The following RGS22 variants were observed in gnomAD, a reference collection of about 807,000 sequenced individuals.
RGS22 encodes regulator of G protein signaling 22, also known as regulator of G-protein signaling 22.
In RGS22, 148 loss-of-function variants were observed where a neutral mutation model predicts 172.9. That is an observed-to-expected ratio of 0.86 (90% CI 0.75 to 0.98). The LOEUF (loss-of-function observed/expected upper bound fraction) is 0.98. RGS22 is among the 50% of genes least tolerant of loss of function. The probability of loss-of-function intolerance (pLI) is 0.00; values close to 1 mark genes in which losing one functional copy is unlikely to be tolerated. For synonymous variants in RGS22, 458 were observed against 480.2 expected (o/e 0.95, Z 0.60); for missense variants, 1,347 against 1,440.8 (o/e 0.93, Z 1.05).
intron 23 of RGS22, among the ~76,000 whole-genome samples, chr8:99,974,867 G>T (rs764135416): frequency 6.6e-6 from 1 of 151,486 alleles, no homozygotes; most frequent in Admixed American, 6.6e-5. Flanking sequence ...AGTCTTAAAG[G>T]CCTGGCACAG....
In RGS22 at chr8:100,000,754, C is replaced by T. The variant is rs78255254; in HGVS notation, c.2791-1334G>A. ...TCATACTTGTGCTTATTGAGACACC[C>T]AACCACTTTTGCTAATGTGTCCCAG... On this transcript the variant is annotated intron_variant, in intron 18 of 27. Transcript: ENST00000360863. Among the ~76,000 whole-genome samples, 189 of 152,266 alleles carry T rather than the reference C, an allele frequency of 1.2e-3. 3 individuals are homozygous for T. The East Asian group carries it at 0.034, about 27-fold the overall frequency.
intron 23 of RGS22, among the ~76,000 whole-genome samples, chr8:99,975,222 AAT>A (rs1420354165): frequency 6.6e-6 from 1 of 152,102 alleles, no homozygotes; most frequent in Non-Finnish European, 1.5e-5. Flanking sequence ...TAATAGTAAT[AAT>A]ATATTGGTAT....
chr8:99,984,026 G>GT (rs999140492), intron 21 of RGS22, among the ~76,000 whole-genome samples: 2 of 152,192 alleles, frequency 1.3e-5, no homozygotes, highest in Admixed American at 1.3e-4. Flanking sequence ...GCTTATGCCT[G>GT]TAATCCCAAC....
chr8:100,009,995 A>G lies in RGS22; in HGVS notation c.2167-1426T>C, dbSNP rs1015700649. On this transcript the variant is annotated intron_variant, in intron 14 of 27. Coordinates refer to ENST00000360863, the MANE Select transcript of RGS22 (RefSeq NM_015668.5). ...GCTATAAGAGAGGTATGTATTATAA[A>G]TAAGATCTTTAATGATTCTTTTAAG... 7.9e-5 allele frequency among the ~76,000 whole-genome samples: 12 copies of G among 152,260 alleles called. 1 individual carries two copies. Among genetic ancestry groups the G allele is most frequent in the Admixed American group, 7.9e-4 (12 of 15,286 alleles).
chr8:100,017,219 C>A (rs1460985579), intron 14 of RGS22, among the ~76,000 whole-genome samples: 4 of 151,910 alleles, frequency 2.6e-5, no homozygotes, highest in Admixed American at 2.6e-4. Context: ...AGTGATCCTT[C>A]CCTCTTGGCT....
intron 23 of RGS22, among the ~76,000 whole-genome samples, chr8:99,974,262 G>C (rs1811681304): frequency 1.3e-5 from 2 of 152,086 alleles, no homozygotes; most frequent in African/African-American, 2.4e-5. Context: ...TAACCCAAAA[G>C]TTTGGTGATG....
intron 27 of RGS22, among the ~76,000 whole-genome samples, chr8:99,961,520 T>G (rs974477007): frequency 6.6e-6 from 1 of 152,212 alleles, no homozygotes; most frequent in Non-Finnish European, 1.5e-5. Context: ...AAGAAGGACA[T>G]GTTTGCTTCC....
intron 27 of RGS22, among the ~76,000 whole-genome samples, chr8:99,961,399 G>T (rs950660529): frequency 1.3e-5 from 2 of 152,212 alleles, no homozygotes; most frequent in African/African-American, 4.8e-5. Flanking sequence ...CATGGGGGTG[G>T]TTACCCTCAG....
In RGS22 at chr8:100,105,961, T is replaced by C. The variant is rs2132090370; in HGVS notation, c.-40A>G. ...CCGCGCCTGGAGCCCGCGCGGGCCGTCAGGGCCCTAGCGCGCGGGTCCAGC... is the reference window on the plus strand; with the variant it reads ...CCGCGCCTGGAGCCCGCGCGGGCCGCCAGGGCCCTAGCGCGCGGGTCCAGC... On this transcript the variant is annotated 5_prime_UTR_variant, in exon 1 of 28. Transcript: ENST00000360863. The C allele has an allele frequency of 2.1e-6, 3 of 1,419,314 alleles. No homozygotes were observed. Among genetic ancestry groups the C allele is most frequent in the East Asian group, 3.1e-5 (1 of 32,424 alleles). The allele number at this position is 1,419,314 out of a possible 1,614,324, so 87.9% of individuals were successfully genotyped here. A position where few individuals can be genotyped will look rare whatever the true frequency, so the allele number is the denominator to read the frequency against.
At chr8:100,008,191 C>A (rs1372507314) in intron 15 of RGS22, among the ~76,000 whole-genome samples, 184 bp downstream of exon 15, 7 of 152,072 alleles carry the variant, frequency 4.6e-5, no homozygotes, top group Admixed American at 4.6e-4. Context: ...GCGCCCACCA[C>A]CACGCCTGGC....
chr8:100,068,190 A>G (rs2131824746), intron 6 of RGS22, among the ~76,000 whole-genome samples: 1 of 152,172 alleles, frequency 6.6e-6, no homozygotes, highest in Non-Finnish European at 1.5e-5. Context: ...GGAGTTCAAG[A>G]CCAGTCTGGG....
At chr8:99,968,450 T>A (rs1344121569) in intron 23 of RGS22, among the ~76,000 whole-genome samples, 2 of 152,012 alleles carry the variant, frequency 1.3e-5, no homozygotes, top group East Asian at 3.9e-4. Flanking sequence ...TAAAGGAGGA[T>A]CTTCTAACCC....
chr8:100,045,782 C>G (rs889991786), intron 11 of RGS22, among the ~76,000 whole-genome samples: 2 of 151,152 alleles, frequency 1.3e-5, no homozygotes, highest in Non-Finnish European at 3.0e-5. Context: ...CAACTTTTCT[C>G]TCAACTCATG....
At chr8:100,044,832 C>T (rs1457657865) in intron 11 of RGS22, among the ~76,000 whole-genome samples, 1 of 152,106 alleles carries the variant, frequency 6.6e-6, no homozygotes, top group Non-Finnish European at 1.5e-5. Context: ...GATCTCTCTC[C>T]TGGGCTCCAA....
chr8:100,047,975 G>A lies in RGS22; in HGVS notation c.1690-379C>T, dbSNP rs114886418. Among the ~76,000 whole-genome samples the A allele has an allele frequency of 7.2e-3, 1,088 of 151,898 alleles. 13 individuals carry two copies. The highest frequency in any genetic ancestry group is 0.011 in the Non-Finnish European group (723 of 67,968). ...CTGTGTGTGTACTGGGGGGGGGTGCGGGTGTCAGCGGTCACAGGGCAGGGA... is the reference window on the plus strand; with the variant it reads ...CTGTGTGTGTACTGGGGGGGGGTGCAGGTGTCAGCGGTCACAGGGCAGGGA... On this transcript the variant is annotated intron_variant, in intron 10 of 27. Transcript: ENST00000360863.
intron 14 of RGS22, among the ~76,000 whole-genome samples, chr8:100,019,584 C>T (rs1817379856): frequency 6.6e-6 from 1 of 152,214 alleles, no homozygotes; most frequent in African/African-American, 2.4e-5. Context: ...GTTGACAGCA[C>T]ATCTCGTAGA....
At chr8:100,095,052 GACGTAAGT>G (rs1242364171) in intron 2 of RGS22, among the ~76,000 whole-genome samples, 2 of 152,150 alleles carry the variant, frequency 1.3e-5, no homozygotes, top group African/African-American at 4.8e-5. Context: ...GCACCTGGTG[GACGTAAGT>G]ATTGCCTAGA....
At chr8:100,007,009 T>C (rs1278365490) in intron 15 of RGS22, among the ~76,000 whole-genome samples, 1 of 152,202 alleles carries the variant, frequency 6.6e-6, no homozygotes, top group African/African-American at 2.4e-5. Flanking sequence ...TTTTTAAAAC[T>C]TCATCTGATA....
intron 11 of RGS22, among the ~76,000 whole-genome samples, chr8:100,043,463 T>A (rs966290038): frequency 1.3e-5 from 2 of 152,210 alleles, no homozygotes; most frequent in African/African-American, 4.8e-5. Flanking sequence ...AACAAAAACC[T>A]TTAGCTAGAC....
Sources: allele counts gnomAD v4.1 joint callset (sites outside exome capture counted in the v4.1 genomes callset), GRCh38; gene constraint gnomAD v4.1.1; transcripts MANE v1.5; gene names NCBI Gene and HGNC (gene_info 2026-07-23, HGNC 2026-07-21).